Variants in DHX30 observed in about 807,000 individuals in gnomAD.
The protein encoded by DHX30 is ATP-dependent RNA helicase DHX30.
DHX30 carries 4 observed loss-of-function variants against 116.9 expected under a neutral mutation model. The observed-to-expected ratio is 0.03, with a 90% confidence interval of 0.02 to 0.08. The LOEUF (loss-of-function observed/expected upper bound fraction) is 0.08. Among genes scored for constraint, DHX30 ranks in the 10% least tolerant of loss-of-function variants. The pLI is 1.00. For missense variants in DHX30, 871 were observed against 1,595.1 expected (o/e 0.55, Z 7.73); for synonymous variants, 697 against 651.7 (o/e 1.07, Z -1.06).
chr3:47,823,169 C>CTCACTACTATG lies in DHX30; in HGVS notation c.125-4177_125-4167dup, dbSNP rs1349543023. ...AATCTATCAGATCTCTTGAGACTTA[C>CTCACTACTATG]TCACTACTATGAGAACAATATGGGA... On this transcript the variant is annotated intron_variant, in intron 4 of 21. Transcript: ENST00000445061. Among the ~76,000 whole-genome samples, 5 of 151,578 alleles carry CTCACTACTATG rather than the reference C, an allele frequency of 3.3e-5. No homozygotes were observed. The East Asian group carries it at 9.7e-4, about 29-fold the overall frequency.
intron 5 of DHX30, among the ~76,000 whole-genome samples, chr3:47,828,666 G>A (rs1559702060): frequency 2.0e-5 from 3 of 151,908 alleles, no homozygotes; most frequent in Non-Finnish European, 4.4e-5. Context: ...AGCTACTTGG[G>A]AGGCTGAGGC....
chr3:47,840,769 A>C (rs1251037841), intron 6 of DHX30, 108 bp from the exon 7 acceptor site: 1 of 1,434,840 alleles, frequency 7.0e-7, no homozygotes, highest in Non-Finnish European at 9.5e-7. Context: ...TAAACAGATG[A>C]AAAACCACGG....
intron 6 of DHX30, among the ~76,000 whole-genome samples, chr3:47,829,344 T>C (rs1409921054): frequency 8.6e-6 from 1 of 116,912 alleles, no homozygotes; most frequent in Admixed American, 1.0e-4. Flanking sequence ...GTGTTTTTGG[T>C]TTTTTTTTTT....
At position 47,828,271 on chromosome 3, in the gene DHX30, G is replaced by T. The variant is rs562490787; in HGVS notation, c.256-753G>T. 1.9e-4 allele frequency among the ~76,000 whole-genome samples: 29 copies of T among 151,340 alleles called. No individual in the cohort carries two copies. In the East Asian group the frequency reaches 5.0e-3, roughly 26 times the overall value. ...GCCCAGGGGTTTGGGACCAGCCTGGGCAACATAGTGAGACCCCATTTCTAC... is the reference window on the plus strand; with the variant it reads ...GCCCAGGGGTTTGGGACCAGCCTGGTCAACATAGTGAGACCCCATTTCTAC... On this transcript the variant is annotated intron_variant, in intron 5 of 21. Transcript: ENST00000445061.
At chr3:47,809,709 C>G (rs564634837) in intron 2 of DHX30, among the ~76,000 whole-genome samples, 5 of 152,226 alleles carry the variant, frequency 3.3e-5, no homozygotes, top group South Asian at 4.1e-4. Context: ...CAGGTCAGCC[C>G]TCCACTCCCC....
chr3:47,812,113 C>T (rs902127656), intron 3 of DHX30, among the ~76,000 whole-genome samples: 1 of 151,068 alleles, frequency 6.6e-6, no homozygotes, highest in Middle Eastern at 3.2e-3. Context: ...CCTGTAATCC[C>T]AGCTACTTGG....
At chr3:47,828,939 TCCACCA>T in intron 5 of DHX30, 79 bp from the exon 6 acceptor site, 1 of 782,176 alleles carries the variant, frequency 1.3e-6, no homozygotes, top group Non-Finnish European at 2.2e-6. Context: ...TGCTGTGAGG[TCCACCA>T]CTGTTTATTT....
At position 47,848,132 on chromosome 3, in the gene DHX30, C is replaced by T. The variant is rs1170592865; in HGVS notation, c.2287-48C>T. On this transcript the variant is annotated intron_variant, in intron 14 of 21. Transcript: ENST00000445061. The surrounding 1 kb of genome is among the most constrained non-coding windows in gnomAD (Gnocchi z 9.4). ...GAGGGTTACTCAGGGAGTGGGGAAG[C>T]ACTGAGGAAGTGGCATTTGTGTGCT... The T allele has an allele frequency of 6.2e-7, 1 of 1,607,686 alleles. No homozygotes were observed. The highest frequency in any genetic ancestry group is 2.2e-5 in the East Asian group (1 of 44,804).
At chr3:47,808,975 G>A (rs1358038713) in intron 2 of DHX30, among the ~76,000 whole-genome samples, 1 of 151,934 alleles carries the variant, frequency 6.6e-6, no homozygotes, top group East Asian at 1.9e-4. Flanking sequence ...TGCAACCTCT[G>A]CTTCCCGGAT....
In DHX30 at chr3:47,841,718, C is replaced by A; in HGVS notation, c.770C>A (p.Thr257Lys). ...CTGGCCAAGGTGATTCAGATTGCAA[C>A]GTCATCCTCCACAGCTAAGGTGAGT... ...NLLAKVIQIA[T>K]SSSTAKNLMQ... Residue 257 changes from threonine (T) to lysine (K), a missense_variant, in exon 8 of 22, where the codon ACG (threonine) becomes AAG (lysine). Thr to Lys is a moderately conservative substitution (Grantham distance 78). This residue lies in a region of DHX30 where 175 missense variants were observed against 292.9 expected (regional missense o/e 0.60). Coordinates refer to ENST00000445061, the MANE Select transcript of DHX30 (RefSeq NM_138615.3). 1 of 1,614,240 alleles carries A rather than the reference C, an allele frequency of 6.2e-7. No individual in the cohort carries two copies. The highest frequency in any genetic ancestry group is 8.5e-7 in the Non-Finnish European group (1 of 1,180,050).
At chr3:47,812,801 C>G (rs1343614561) in intron 3 of DHX30, among the ~76,000 whole-genome samples, 2 of 150,726 alleles carry the variant, frequency 1.3e-5, no homozygotes, top group African/African-American at 4.9e-5. Context: ...GTAGCTGGGA[C>G]TACAGGCGTG....
chr3:47,846,057 A>G lies in DHX30; in HGVS notation c.1093-108A>G, dbSNP rs1449023918. The G allele has an allele frequency of 2.8e-6, 4 of 1,419,272 alleles. No individual in the cohort carries two copies. The East Asian group carries it at 9.2e-5, about 32-fold the overall frequency. The allele number at this position is 1,419,272 out of a possible 1,614,324, so 87.9% of individuals were successfully genotyped here. ...CATGGACTAAATTAATCCTCTGCCCAGCGGGTTGGGCCACAACATCTGACC... is the reference window on the plus strand; with the variant it reads ...CATGGACTAAATTAATCCTCTGCCCGGCGGGTTGGGCCACAACATCTGACC... On this transcript the variant is annotated intron_variant, in intron 10 of 21. Transcript: ENST00000445061.
chr3:47,832,190 T>C (rs1040630465), intron 6 of DHX30, among the ~76,000 whole-genome samples: 2 of 151,908 alleles, frequency 1.3e-5, no homozygotes, highest in African/African-American at 4.8e-5. Flanking sequence ...GGATTACAGA[T>C]GTGCGCTGAC....
chr3:47,804,270 T>TA (rs1395970331), intron 1 of DHX30, among the ~76,000 whole-genome samples: 1 of 152,204 alleles, frequency 6.6e-6, no homozygotes, highest in Non-Finnish European at 1.5e-5. Context: ...AAAGTTTTAT[T>TA]AGGGCCGGGA....
chr3:47,820,679 T>C (rs2036255505), intron 4 of DHX30, among the ~76,000 whole-genome samples: 1 of 152,164 alleles, frequency 6.6e-6, no homozygotes, highest in African/African-American at 2.4e-5. Context: ...CAGCAGATCC[T>C]TTACGCCTTA....
At chr3:47,841,283 C>G in intron 7 of DHX30, 105 bp downstream of exon 7, 1 of 1,474,464 alleles carries the variant, frequency 6.8e-7, no homozygotes, top group South Asian at 1.2e-5. Flanking sequence ...GCCCCTGCCT[C>G]ACATTTCAGC....
chr3:47,813,640 A>G (rs1223299393), intron 3 of DHX30, among the ~76,000 whole-genome samples: 1 of 152,230 alleles, frequency 6.6e-6, no homozygotes. Flanking sequence ...AATAAGAACC[A>G]TAACAGAACG....
At chr3:47,839,274 T>G (rs2037255466) in intron 6 of DHX30, among the ~76,000 whole-genome samples, 1 of 151,498 alleles carries the variant, frequency 6.6e-6, no homozygotes, top group South Asian at 2.1e-4. Flanking sequence ...AGGATTCTTA[T>G]ATTCTCTTTT....
Position 47,843,053 on chromosome 3 carries a change from G to A in DHX30, c.790-53G>A, listed in dbSNP as rs377086140. 1.0e-4 allele frequency: 161 copies of A among 1,602,894 alleles called. 1 individual carries two copies. The highest frequency in any genetic ancestry group is 7.4e-4 in the East Asian group (33 of 44,672). ...CCTTGGCATTCTGAGAATGCCCCAA[G>A]TCTCTTCCCATTCCCTACATTTCTG... On this transcript the variant is annotated intron_variant, in intron 8 of 21. Transcript: ENST00000445061.
Sources: allele counts gnomAD v4.1 joint callset (sites outside exome capture counted in the v4.1 genomes callset), GRCh38; gene constraint gnomAD v4.1.1; regional missense constraint gnomAD v4.1.1; non-coding constraint Gnocchi (gnomAD v3.1); transcripts MANE v1.5; gene names NCBI Gene and HGNC (gene_info 2026-07-23, HGNC 2026-07-21).